CYB5R3: variants seen among roughly 807,000 people sequenced by gnomAD.
CYB5R3 encodes the protein cytochrome b5 reductase 3, also known as NADH-cytochrome b5 reductase 3.
Under a neutral mutation model 36.5 loss-of-function variants are expected in CYB5R3, and 28 were observed. The ratio of observed to expected loss-of-function variants is 0.77; its 90% CI spans 0.57 to 1.05. The LOEUF is 1.05. Among genes scored for constraint, CYB5R3 ranks in the 50% least tolerant of loss-of-function variants. The pLI is 0.00. For missense variants in CYB5R3, 474 were observed against 408.9 expected, an observed-to-expected ratio of 1.16 and a Z score of -1.37; for synonymous variants, 181 against 159.8, an observed-to-expected ratio of 1.13 and a Z score of -1.00.
chr22:42,631,733 A>C, intron 2 of CYB5R3: 1 of 529,024 alleles, frequency 1.9e-6, no homozygotes, highest in Non-Finnish European at 3.4e-6. Context: ...CAGGGTCCCA[A>C]AGGGAGGATG....
rs115713945 is a variant in CYB5R3 at position 42,637,016 on chromosome 22, G to C, written c.22-170C>G. The C allele has an allele frequency of 2.6e-3, 2,233 of 871,594 alleles. 26 individuals are homozygous for C. In the African/African-American group the frequency reaches 0.032, roughly 12 times the overall value. The allele number at this position is 871,594 out of a possible 1,614,324, so 54.0% of individuals were successfully genotyped here. On this transcript the variant is annotated intron_variant, in intron 1 of 8. Transcript: ENST00000352397. ...TCATCCATTTTGGTGCCCACTAGGAGAAGCTATAAAGACCAGCCTCATGAC... is the reference window on the plus strand; with the variant it reads ...TCATCCATTTTGGTGCCCACTAGGACAAGCTATAAAGACCAGCCTCATGAC...
Position 42,628,168 on chromosome 22 carries a change from C to A in CYB5R3, c.447G>T (p.Leu149=). The change falls in exon 5 of 9, where the codon CTG becomes CTT. Residue 149 remains leucine (L), a synonymous_variant. Transcript: ENST00000352397. The stretch of plus-strand genomic sequence containing the variant: ...CCGAATCACCTTTGCCCTGGTAGAC[C>A]AGCAGCCCACTGGGGCCCCGGAACT... The part of the protein sequence containing the change: ...TIEFRGPSGL[L]VYQGKGKFAI... 6.2e-7 allele frequency: 1 copy of A among 1,614,092 alleles called. No homozygotes were observed. Among genetic ancestry groups the A allele is most frequent in the Non-Finnish European group, 8.5e-7 (1 of 1,179,980 alleles).
chr22:42,646,670 G>A lies in CYB5R3; in HGVS notation c.21+2625C>T. 2 of 985,688 alleles carry A rather than the reference G, an allele frequency of 2.0e-6. No individual in the cohort carries two copies. The highest frequency in any genetic ancestry group is 2.4e-6 in the Non-Finnish European group (2 of 830,116). The allele number at this position is 985,688 out of a possible 1,614,324, so 61.1% of individuals were successfully genotyped here. ...CCCCTGCCTGCCCGCCAGCGGTCCTGCCAGAATCTGAGCGGCACCTCCCTC... is the reference window on the plus strand; with the variant it reads ...CCCCTGCCTGCCCGCCAGCGGTCCTACCAGAATCTGAGCGGCACCTCCCTC... On this transcript the variant is annotated intron_variant, in intron 1 of 8. Coordinates refer to ENST00000352397, the MANE Select transcript of CYB5R3 (RefSeq NM_000398.7).
chr22:42,646,306 A>G (rs1477704772), intron 1 of CYB5R3, among the ~76,000 whole-genome samples: 2 of 152,084 alleles, frequency 1.3e-5, no homozygotes, highest in Non-Finnish European at 2.9e-5. Flanking sequence ...CCCACAAGCC[A>G]TGCTCTGCCC....
At chr22:42,621,999 T>C (rs1230637677) in intron 8 of CYB5R3, among the ~76,000 whole-genome samples, 5 of 152,346 alleles carry the variant, frequency 3.3e-5, no homozygotes, top group African/African-American at 7.2e-5. Context: ...TCTCGGCTCA[T>C]TGCAACCTCT....
chr22:42,645,508 T>TA (rs1929495875), intron 1 of CYB5R3, among the ~76,000 whole-genome samples: 2 of 152,114 alleles, frequency 1.3e-5, no homozygotes, highest in African/African-American at 4.8e-5. Context: ...AGAGAGGACA[T>TA]ACGCAGCTCC....
In CYB5R3 at chr22:42,617,847, C is replaced by G. The variant is rs1927706298; in HGVS notation, c.*1926G>C. 1 of 152,372 alleles carries G rather than the reference C, an allele frequency of 6.6e-6. No individual in the cohort carries two copies. Among genetic ancestry groups the G allele is most frequent in the South Asian group, 2.1e-4 (1 of 4,840 alleles). The allele number at this position is 152,372 out of a possible 1,614,324, so 9.4% of individuals were successfully genotyped here. A position where few individuals can be genotyped will look rare whatever the true frequency, so the allele number is the denominator to read the frequency against. ...GCCACCTATCTTCTTCGATCTGTTTCTGAAAGTTTATTCCACAAGCTGGTT... is the reference window on the plus strand; with the variant it reads ...GCCACCTATCTTCTTCGATCTGTTTGTGAAAGTTTATTCCACAAGCTGGTT... On this transcript the variant is annotated 3_prime_UTR_variant, in exon 9 of 9. Coordinates refer to ENST00000352397, the MANE Select transcript of CYB5R3 (RefSeq NM_000398.7).
At chr22:42,630,233 C>T (rs1928535677) in intron 4 of CYB5R3, among the ~76,000 whole-genome samples, 1 of 152,200 alleles carries the variant, frequency 6.6e-6, no homozygotes, top group African/African-American at 2.4e-5. Context: ...TGAACCTCCA[C>T]CTCGAACCCC....
chr22:42,628,069 G>GTGCT, intron 5 of CYB5R3, 83 bp downstream of exon 5: 1 of 1,582,306 alleles, frequency 6.3e-7, no homozygotes, highest in Non-Finnish European at 8.7e-7. Context: ...CAGAGCCAGG[G>GTGCT]GCCTGCACCC....
Position 42,634,978 on chromosome 22 carries a change from T to TA in CYB5R3, c.153+1736_153+1737insT, listed in dbSNP as rs1928816153. 2.2e-5 allele frequency among the ~76,000 whole-genome samples: 3 copies of TA among 139,106 alleles called. No individual in the cohort carries two copies. The South Asian group carries it at 6.9e-4, about 32-fold the overall frequency. The allele number at this position is 139,106 out of a possible 152,430, so 91.3% of individuals were successfully genotyped here. On this transcript the variant is annotated intron_variant, in intron 2 of 8. Transcript: ENST00000352397. ...TGCCACCACGCCCAGCTAATTTTTT[T>TA]TTTTTTTTTTTGAGACGGAGTCTTG...
chr22:42,638,396 C>CAAAA (rs1206825251), intron 1 of CYB5R3, among the ~76,000 whole-genome samples: 36 of 36,468 alleles, frequency 9.9e-4, no homozygotes, highest in African/African-American at 1.7e-3. Context: ...AACTCCATCT[C>CAAAA]AAAAAAAAAA....
At chr22:42,646,414 C>T (rs982019205) in intron 1 of CYB5R3, among the ~76,000 whole-genome samples, 1 of 152,166 alleles carries the variant, frequency 6.6e-6, no homozygotes, top group East Asian at 1.9e-4. Context: ...CCAGCTCATG[C>T]ACCATAGCTG....
intron 1 of CYB5R3, chr22:42,646,786 G>A: frequency 1.0e-6 from 1 of 986,532 alleles, no homozygotes; most frequent in Non-Finnish European, 1.2e-6. Flanking sequence ...GTGGGGGAAG[G>A]GAACCCAGGA....
At chr22:42,623,447 C>G (rs1225123368) in intron 8 of CYB5R3, among the ~76,000 whole-genome samples, 1 of 152,256 alleles carries the variant, frequency 6.6e-6, no homozygotes, top group Non-Finnish European at 1.5e-5. Context: ...GTGGAAGCAG[C>G]AGCCGCCACC....
At chr22:42,627,438 A>C in intron 6 of CYB5R3, 49 bp from the exon 7 acceptor site, 5 of 1,585,808 alleles carry the variant, frequency 3.2e-6, no homozygotes, top group African/African-American at 1.3e-5. Flanking sequence ...AGGCCTGTTC[A>C]CAGGCACCGC....
intron 5 of CYB5R3, 29 bp from the exon 6 acceptor site, chr22:42,627,717 C>T (rs1009338923): frequency 1.3e-6 from 2 of 1,527,532 alleles, no homozygotes; most frequent in South Asian, 2.2e-5. Flanking sequence ...TGAGGCCCGG[C>T]CATCAAACAT....
chr22:42,646,892 G>A, intron 1 of CYB5R3: 3 of 985,592 alleles, frequency 3.0e-6, no homozygotes, highest in Non-Finnish European at 3.6e-6. Context: ...GTACCTGTCA[G>A]CCTGTCAGGG....
rs188021718 is a variant in CYB5R3, at chr22:42,640,071, G to C, written c.22-3225C>G. The C allele has an allele frequency of 5.2e-5, 84 of 1,613,826 alleles. No individual in the cohort carries two copies. In the Middle Eastern group the frequency reaches 3.1e-3, roughly 60 times the overall value. ...CGTTCAGCAAAGCTTCCTTAACTGTGAGCTGTTTGAAGCTACCAGTCTGAG... is the reference window on the plus strand; with the variant it reads ...CGTTCAGCAAAGCTTCCTTAACTGTCAGCTGTTTGAAGCTACCAGTCTGAG... On this transcript the variant is annotated intron_variant, in intron 1 of 8. Transcript: ENST00000352397.
intron 1 of CYB5R3, among the ~76,000 whole-genome samples, chr22:42,643,601 G>C (rs1042036402): frequency 1.3e-5 from 2 of 152,076 alleles, no homozygotes; most frequent in Non-Finnish European, 2.9e-5. Flanking sequence ...CTTGGTATTT[G>C]ACCCATGGGT....
Sources: gnomAD v4.1 joint callset for allele counts (sites outside exome capture counted in the v4.1 genomes callset) on GRCh38, gnomAD v4.1.1 for gene constraint, MANE v1.5 for transcripts, NCBI Gene and HGNC (gene_info 2026-07-23, HGNC 2026-07-21) for gene names.